The following PHF24 variants were observed in gnomAD, a reference collection of about 807,000 sequenced individuals.
PHF24 encodes the protein PHD finger protein 24.
In PHF24, 25 loss-of-function variants were observed where a neutral mutation model predicts 42.6. The observed-to-expected ratio is 0.59, with a 90% CI of 0.43 to 0.82. The LOEUF (loss-of-function observed/expected upper bound fraction) is 0.82. Among genes scored for constraint, PHF24 ranks in the 40% least tolerant of loss-of-function variants. PHF24 has a pLI of 0.00. For missense variants in PHF24, 470 were observed against 538.1 expected (o/e 0.87, Z 1.25); for synonymous variants, 185 against 204.8 (o/e 0.90, Z 0.83).
chr9:34,813,486 G>A, the PHF24 span, among the ~76,000 whole-genome samples: 44,478 of 152,022 alleles, frequency 0.29, 7,264 homozygotes, highest in East Asian at 0.55. Context: ...TTAAGGTGTT[G>A]TCTGGGCAGC....
the PHF24 span, among the ~76,000 whole-genome samples, chr9:34,930,117 C>T: frequency 6.6e-6 from 1 of 152,126 alleles, no homozygotes; most frequent in Non-Finnish European, 1.5e-5. Context: ...AATTGTTGAT[C>T]ATCTCCCTAA....
chr9:34,900,087 T>C, the PHF24 span, among the ~76,000 whole-genome samples: 99 of 152,322 alleles, frequency 6.5e-4, no homozygotes, highest in Admixed American at 1.4e-3. Context: ...ACTCCACTTA[T>C]GGACACCGTG....
chr9:34,755,938 A>C, the PHF24 span, among the ~76,000 whole-genome samples: 1 of 152,058 alleles, frequency 6.6e-6, no homozygotes, highest in Non-Finnish European at 1.5e-5. Context: ...AGTTTGGTAT[A>C]ATCTCATTTG....
At chr9:34,858,091 TTATC>T in the PHF24 span, among the ~76,000 whole-genome samples, 2 of 152,132 alleles carry the variant, frequency 1.3e-5, no homozygotes, top group Non-Finnish European at 2.9e-5. Flanking sequence ...ACTTATTTAT[TTATC>T]TTTCTTTCCA....
At chr9:34,947,184 T>A in the PHF24 span, among the ~76,000 whole-genome samples, 1 of 152,254 alleles carries the variant, frequency 6.6e-6, no homozygotes. Flanking sequence ...AATGGGCATA[T>A]GACAAGTAAT....
the PHF24 span, among the ~76,000 whole-genome samples, chr9:34,911,830 A>G: frequency 6.6e-6 from 1 of 152,230 alleles, no homozygotes; most frequent in Non-Finnish European, 1.5e-5. Flanking sequence ...TCTGAGAAGT[A>G]GAAGTAGCAG....
the PHF24 span, among the ~76,000 whole-genome samples, chr9:34,673,063 C>G: frequency 5.3e-5 from 8 of 152,234 alleles, no homozygotes; most frequent in African/African-American, 1.9e-4. Flanking sequence ...GATCCCTACA[C>G]AAAAAGATTA....
At chr9:34,797,077 GTTGCAACAGGATAGCTTCCC>G in the PHF24 span, among the ~76,000 whole-genome samples, 1 of 152,218 alleles carries the variant, frequency 6.6e-6, no homozygotes, top group Non-Finnish European at 1.5e-5. Flanking sequence ...CTCAAAAGGT[GTTGCAACAGGATAGCTTCCC>G]TTGTCTCCCT....
chr9:34,980,444 A>C (rs546197910), exon 8 of PHF24: 23 of 152,388 alleles, frequency 1.5e-4, no homozygotes, highest in African/African-American at 5.5e-4. Context: ...CAAAGAGTAG[A>C]GTTCCCATCC....
At chr9:34,722,431 C>T in the PHF24 span, among the ~76,000 whole-genome samples, 1 of 152,008 alleles carries the variant, frequency 6.6e-6, no homozygotes, top group South Asian at 2.1e-4. Flanking sequence ...GGTAGAAAAC[C>T]AGTTCGTTTA....
the PHF24 span, chr9:34,723,611 C>A: frequency 6.4e-7 from 1 of 1,551,750 alleles, no homozygotes; most frequent in African/African-American, 1.4e-5. Flanking sequence ...ATTTCTGAAG[C>A]TAGACTCTGT....
At chr9:34,765,570 CT>C in the PHF24 span, among the ~76,000 whole-genome samples, 12 of 148,634 alleles carry the variant, frequency 8.1e-5, no homozygotes, top group Non-Finnish European at 1.6e-4. Flanking sequence ...TTCCTCCATC[CT>C]TTTATTTTGA....
At chr9:34,864,211 G>A in the PHF24 span, among the ~76,000 whole-genome samples, 1 of 152,322 alleles carries the variant, frequency 6.6e-6, no homozygotes, top group Non-Finnish European at 1.5e-5. Flanking sequence ...GATAGAGAAA[G>A]AGATAGGGGT....
chr9:34,976,314 T>G, intron 4 of PHF24, 84 bp downstream of exon 4: 1 of 1,242,040 alleles, frequency 8.1e-7, no homozygotes, highest in Non-Finnish European at 1.2e-6. Flanking sequence ...ATGAAAGGAG[T>G]GTTCCATATT....
At chr9:34,751,559 G>C in the PHF24 span, among the ~76,000 whole-genome samples, 1 of 152,070 alleles carries the variant, frequency 6.6e-6, no homozygotes, top group Admixed American at 6.6e-5. Context: ...AAACAAATAT[G>C]ATTAGAGCTA....
chr9:34,689,550 C>T, the PHF24 span: 1 of 426,600 alleles, frequency 2.3e-6, no homozygotes, highest in East Asian at 3.6e-5. The surrounding 1 kb of genome is among the most constrained non-coding windows in gnomAD (Gnocchi z 4.1). Flanking sequence ...ACAAAGAAAT[C>T]TGTAACAGGT....
chr9:34,938,377 T>C, the PHF24 span, among the ~76,000 whole-genome samples: 1 of 152,196 alleles, frequency 6.6e-6, no homozygotes, highest in Non-Finnish European at 1.5e-5. Flanking sequence ...ACAAATGTAG[T>C]CAAAAACTCC....
chr9:34,886,963 T>C, the PHF24 span, among the ~76,000 whole-genome samples: 1 of 152,162 alleles, frequency 6.6e-6, no homozygotes, highest in Admixed American at 6.5e-5. Context: ...AACATATACA[T>C]CTCAAACAAT....
chr9:34,862,096 C>T, the PHF24 span, among the ~76,000 whole-genome samples: 1 of 152,144 alleles, frequency 6.6e-6, no homozygotes, highest in Admixed American at 6.5e-5. Context: ...ACAGCTGACA[C>T]CCATGCAGGG....
Sources: gnomAD v4.1 joint callset for allele counts (sites outside exome capture counted in the v4.1 genomes callset) on GRCh38, gnomAD v4.1.1 for gene constraint, Gnocchi (gnomAD v3.1) non-coding constraint, MANE v1.5 for transcripts, NCBI Gene and HGNC (gene_info 2026-07-23, HGNC 2026-07-21) for gene names.